Variants in MACROD2 observed in about 807,000 individuals in gnomAD.
The protein encoded by MACROD2 is ADP-ribose glycohydrolase MACROD2.
Under a neutral mutation model 70.4 loss-of-function variants are expected in MACROD2, and 36 were observed. The ratio of observed to expected loss-of-function variants is 0.51; its 90% confidence interval spans 0.39 to 0.68. The LOEUF is 0.68. MACROD2 is among the 30% of genes least tolerant of loss of function. The pLI, the probability that MACROD2 is intolerant of heterozygous loss-of-function variation, is 0.00. For synonymous variants in MACROD2, 172 were observed against 178.8 expected, an observed-to-expected ratio of 0.96 and a Z score of 0.30; for missense variants, 496 against 538.4, an observed-to-expected ratio of 0.92 and a Z score of 0.78.
At chr20:15,139,458 G>C (rs1371452191) in intron 5 of MACROD2, among the ~76,000 whole-genome samples, 2 of 152,168 alleles carry the variant, frequency 1.3e-5, no homozygotes, top group Non-Finnish European at 2.9e-5. Context: ...GTGGTAGACA[G>C]TTAATCTTCA....
chr20:15,744,436 G>T (rs2051149671), intron 8 of MACROD2, among the ~76,000 whole-genome samples: 1 of 152,130 alleles, frequency 6.6e-6, no homozygotes, highest in South Asian at 2.1e-4. Flanking sequence ...AAGGTACTAA[G>T]CTTACTGCAT....
At chr20:14,533,071 C>T (rs1220021797) in intron 4 of MACROD2, among the ~76,000 whole-genome samples, 1 of 152,050 alleles carries the variant, frequency 6.6e-6, no homozygotes, top group Non-Finnish European at 1.5e-5. Flanking sequence ...ACTGAATGAC[C>T]AGTTTTCCAA....
intron 3 of MACROD2, among the ~76,000 whole-genome samples, chr20:14,269,454 T>C (rs2082172201): frequency 6.6e-6 from 1 of 152,168 alleles, no homozygotes; most frequent in South Asian, 2.1e-4. Context: ...AATTATTAAG[T>C]TGGGTTATTC....
intron 8 of MACROD2, among the ~76,000 whole-genome samples, chr20:15,629,109 A>G (rs1043072554): frequency 6.6e-6 from 1 of 152,184 alleles, no homozygotes; most frequent in Admixed American, 6.5e-5. Flanking sequence ...GGTGAAATAT[A>G]TTCGCATTTC....
intron 5 of MACROD2, among the ~76,000 whole-genome samples, chr20:14,928,049 C>T (rs899011487): frequency 1.3e-5 from 2 of 152,196 alleles, no homozygotes; most frequent in Non-Finnish European, 2.9e-5. Flanking sequence ...CACCCACTGG[C>T]GTGCAAAAGA....
chr20:14,006,018 G>C (rs2052814119), intron 2 of MACROD2, among the ~76,000 whole-genome samples: 1 of 152,168 alleles, frequency 6.6e-6, no homozygotes, highest in Non-Finnish European at 1.5e-5. Context: ...GGTCCCATAA[G>C]ATTATAATAC....
rs985239420 is a variant in MACROD2 at position 15,587,165 on chromosome 20, T to C, written c.645+87318T>C. Reference sequence around the variant, plus strand: ...CAGAATCATGGCAGGAGATGAAAGGTACTTCTTACAAGGTGGCGGCAAGAG... The same window carrying C: ...CAGAATCATGGCAGGAGATGAAAGGCACTTCTTACAAGGTGGCGGCAAGAG... On this transcript the variant is annotated intron_variant, in intron 8 of 17. Transcript: ENST00000684519. Among the ~76,000 whole-genome samples the C allele has an allele frequency of 5.9e-5, 9 of 152,184 alleles. No individual in the cohort carries two copies. In the East Asian group the frequency reaches 1.7e-3, roughly 29 times the overall value.
intron 5 of MACROD2, among the ~76,000 whole-genome samples, chr20:15,168,787 G>A (rs1043344386): frequency 1.3e-5 from 2 of 151,988 alleles, no homozygotes; most frequent in African/African-American, 4.8e-5. Flanking sequence ...TTTGAGACCA[G>A]CCTAGGCAAC....
At chr20:15,568,503 T>TA (rs2048337659) in intron 8 of MACROD2, among the ~76,000 whole-genome samples, 1 of 152,198 alleles carries the variant, frequency 6.6e-6, no homozygotes. Context: ...GGCTTATTTC[T>TA]CTGTGATGCT....
intron 9 of MACROD2, among the ~76,000 whole-genome samples, chr20:15,885,157 A>C (rs1432416356): frequency 6.6e-6 from 1 of 152,140 alleles, no homozygotes. Flanking sequence ...CAAGCGTGTC[A>C]TCTATAGTGC....
At chr20:15,861,375 T>A (rs2064422181) in intron 8 of MACROD2, among the ~76,000 whole-genome samples, 1 of 152,164 alleles carries the variant, frequency 6.6e-6, no homozygotes. Flanking sequence ...ACCTGGGGAA[T>A]GAGTTGACAA....
intron 3 of MACROD2, among the ~76,000 whole-genome samples, chr20:14,418,205 T>C (rs749506658): frequency 1.3e-5 from 2 of 152,220 alleles, no homozygotes; most frequent in Non-Finnish European, 2.9e-5. Context: ...ATTAAAGATA[T>C]AACTTCAGAT....
intron 5 of MACROD2, among the ~76,000 whole-genome samples, chr20:14,906,667 A>G (rs1047145126): frequency 6.6e-6 from 1 of 152,208 alleles, no homozygotes; most frequent in Non-Finnish European, 1.5e-5. Flanking sequence ...ATACCAAAAT[A>G]TCATTCAGTA....
intron 6 of MACROD2, among the ~76,000 whole-genome samples, chr20:15,349,089 G>A (rs2078198760): frequency 6.6e-6 from 1 of 152,044 alleles, no homozygotes; most frequent in South Asian, 2.1e-4. Flanking sequence ...ATTTTAGCAT[G>A]CACCCAGATA....
chr20:14,150,679 G>C (rs6042553), intron 3 of MACROD2, among the ~76,000 whole-genome samples: 4 of 149,950 alleles, frequency 2.7e-5, no homozygotes, highest in African/African-American at 4.9e-5. Context: ...ATCTTCTTTC[G>C]GCTTTCTTTT....
intron 8 of MACROD2, among the ~76,000 whole-genome samples, chr20:15,796,575 A>G (rs938593373): frequency 6.6e-6 from 1 of 152,258 alleles, no homozygotes; most frequent in Admixed American, 6.5e-5. Context: ...GCCAACTGAA[A>G]CAGTCACCTC....
intron 3 of MACROD2, among the ~76,000 whole-genome samples, chr20:14,281,797 C>T (rs936246042): frequency 8.6e-5 from 13 of 151,522 alleles, no homozygotes; most frequent in East Asian, 7.8e-4. Flanking sequence ...TAGCCGGGCG[C>T]GGTGATGTGT....
chr20:14,251,789 G>T (rs2082014840), intron 3 of MACROD2, among the ~76,000 whole-genome samples: 1 of 152,036 alleles, frequency 6.6e-6, no homozygotes, highest in Non-Finnish European at 1.5e-5. Flanking sequence ...AGTGTAAAGT[G>T]TACCAAACTT....
chr20:15,039,213 A>G (rs1336190724), intron 5 of MACROD2, among the ~76,000 whole-genome samples: 2 of 152,286 alleles, frequency 1.3e-5, no homozygotes, highest in East Asian at 1.9e-4. Context: ...CAAAAAGGGT[A>G]TAATTTGATG....
Sources: gnomAD v4.1 joint callset for allele counts (sites outside exome capture counted in the v4.1 genomes callset) on GRCh38, gnomAD v4.1.1 for gene constraint, MANE v1.5 for transcripts, NCBI Gene and HGNC (gene_info 2026-07-23, HGNC 2026-07-21) for gene names.